TENM3: variants seen among roughly 807,000 people sequenced by gnomAD.
TENM3 encodes teneurin-3.
TENM3 carries 63 observed loss-of-function variants against 255.1 expected under a neutral mutation model. That is an observed-to-expected ratio of 0.25 (90% CI 0.20 to 0.30). The LOEUF (loss-of-function observed/expected upper bound fraction) is 0.30, where lower values mean the gene tolerates loss of function less well. Among genes scored for constraint, TENM3 ranks in the 10% least tolerant of loss-of-function variants. The pLI is 1.00. For missense variants in TENM3, 2,929 were observed against 3,461.1 expected (o/e 0.85, Z 3.86); for synonymous variants, 1,306 against 1,322.3 (o/e 0.99, Z 0.27).
the TENM3 span, among the ~76,000 whole-genome samples, chr4:181,501,389 T>C: frequency 6.6e-6 from 1 of 151,794 alleles, no homozygotes; most frequent in Non-Finnish European, 1.5e-5. Context: ...TTTTTGTTTT[T>C]TTTTTTTAAG....
At chr4:182,237,390 G>A (rs1756964361) in intron 1 of TENM3, among the ~76,000 whole-genome samples, 1 of 71,912 alleles carries the variant, frequency 1.4e-5, no homozygotes, top group African/African-American at 8.9e-5. Flanking sequence ...TTTTGAAACG[G>A]AGTCTCACTC....
At chr4:181,722,905 T>C in the TENM3 span, among the ~76,000 whole-genome samples, 1 of 152,020 alleles carries the variant, frequency 6.6e-6, no homozygotes, top group Non-Finnish European at 1.5e-5. Context: ...ACTCATTGTG[T>C]GTAGGGGTCT....
intron 3 of TENM3, among the ~76,000 whole-genome samples, chr4:182,479,013 ATGTT>A (rs1733941487): frequency 1.3e-5 from 2 of 152,070 alleles, no homozygotes; most frequent in South Asian, 4.1e-4. Context: ...ACTTGAAGGA[ATGTT>A]TGTCTTTTAA....
chr4:181,611,294 C>T, the TENM3 span, among the ~76,000 whole-genome samples: 1 of 152,176 alleles, frequency 6.6e-6, no homozygotes, highest in African/African-American at 2.4e-5. Flanking sequence ...ATCCTCTGGG[C>T]GTGCCGCAGA....
At position 182,800,062 on chromosome 4, in the gene TENM3, C is replaced by T. The variant is rs375913434; in HGVS notation, c.7811C>T (p.Ala2604Val). The change falls in exon 28 of 28, where the codon GCG (alanine) becomes GTG (valine). Residue 2604 changes from alanine to valine, a missense_variant. Coordinates refer to ENST00000511685, the MANE Select transcript of TENM3 (RefSeq NM_001080477.4). ...ADVEMQFGAL[A>V]LHVRYGMTLD... ...GTGGAGATGCAGTTCGGCGCGCTGG[C>T]GCTGCACGTGCGCTACGGCATGACC... The T allele has an allele frequency of 2.9e-5, 46 of 1,602,578 alleles. No individual in the cohort carries two copies. The highest frequency in any genetic ancestry group is 3.6e-5 in the Non-Finnish European group (42 of 1,175,374).
At chr4:182,378,926 G>A (rs11942366) in intron 3 of TENM3, among the ~76,000 whole-genome samples, 7,644 of 51,802 alleles carry the variant, frequency 0.15, 424 homozygotes, top group African/African-American at 0.36. Flanking sequence ...TTCTAAAACC[G>A]TTTCCCTTGA....
the TENM3 span, among the ~76,000 whole-genome samples, chr4:181,512,431 G>C: frequency 6.6e-6 from 1 of 152,208 alleles, no homozygotes; most frequent in Non-Finnish European, 1.5e-5. Context: ...GAAGAGCAAA[G>C]AAGAGTGTGG....
the TENM3 span, among the ~76,000 whole-genome samples, chr4:182,096,001 C>T: frequency 0.33 from 50,697 of 151,650 alleles, 8,612 homozygotes; most frequent in Middle Eastern, 0.43. Flanking sequence ...CGGTGGCACA[C>T]GCCTGTAAGT....
Position 182,800,448 on chromosome 4 carries a change from CG to C in TENM3, c.*102del. On this transcript the variant is annotated 3_prime_UTR_variant, in exon 28 of 28. Transcript: ENST00000511685. ...CTCCAACGCCCAAGAGCCTTCCTCC[CG>C]GGGGAATGAGACTGCTGTTACGACC... 7.2e-7 allele frequency: 1 copy of C among 1,389,846 alleles called. No homozygotes were observed. The highest frequency in any genetic ancestry group is 9.5e-7 in the Non-Finnish European group (1 of 1,056,232). The allele number at this position is 1,389,846 out of a possible 1,614,324, so 86.1% of individuals were successfully genotyped here.
chr4:181,982,382 C>T, the TENM3 span, among the ~76,000 whole-genome samples: 3 of 152,196 alleles, frequency 2.0e-5, no homozygotes, highest in Admixed American at 1.3e-4. Flanking sequence ...AGTATGTATG[C>T]CTTTGGGAGG....
intron 9 of TENM3, 69 bp from the exon 10 acceptor site, chr4:182,680,474 T>C (rs1334280058): frequency 2.8e-5 from 43 of 1,550,670 alleles, no homozygotes; most frequent in Non-Finnish European, 3.7e-5. Flanking sequence ...GTTCCAGCGA[T>C]GTGTCTTTTC....
At chr4:181,513,495 T>C in the TENM3 span, among the ~76,000 whole-genome samples, 1 of 152,144 alleles carries the variant, frequency 6.6e-6, no homozygotes, top group African/African-American at 2.4e-5. Flanking sequence ...CAGATAAAAG[T>C]AAGTGCAATT....
intron 12 of TENM3, among the ~76,000 whole-genome samples, chr4:182,708,580 A>C (rs922133337): frequency 6.6e-6 from 1 of 152,140 alleles, no homozygotes; most frequent in South Asian, 2.1e-4. Flanking sequence ...AGGGTGGATC[A>C]TGAGGTCAGG....
chr4:182,735,319 C>T (rs1388478239), intron 16 of TENM3, among the ~76,000 whole-genome samples: 1 of 152,144 alleles, frequency 6.6e-6, no homozygotes, highest in Admixed American at 6.5e-5. Flanking sequence ...CTCTTCATGC[C>T]AACACTGACT....
chr4:181,967,335 A>C, the TENM3 span, among the ~76,000 whole-genome samples: 1 of 152,010 alleles, frequency 6.6e-6, no homozygotes, highest in Non-Finnish European at 1.5e-5. Flanking sequence ...CAAAATGGAG[A>C]TATGACATTT....
intron 3 of TENM3, among the ~76,000 whole-genome samples, chr4:182,596,488 A>G (rs775091854): frequency 4.7e-4 from 71 of 152,192 alleles, no homozygotes; most frequent in Admixed American, 9.2e-4. Context: ...AGAAAGATCA[A>G]TGATTTTTAC....
At chr4:182,404,492 A>G (rs996768102) in intron 3 of TENM3, among the ~76,000 whole-genome samples, 2 of 152,204 alleles carry the variant, frequency 1.3e-5, no homozygotes, top group Non-Finnish European at 2.9e-5. Flanking sequence ...AACTCTTTTT[A>G]TGGATCAAGT....
At chr4:182,596,051 C>G (rs2152399761) in intron 3 of TENM3, among the ~76,000 whole-genome samples, 1 of 152,182 alleles carries the variant, frequency 6.6e-6, no homozygotes, top group South Asian at 2.1e-4. Flanking sequence ...CCACAAGGTG[C>G]TATTATATAA....
chr4:181,805,581 C>T, the TENM3 span, among the ~76,000 whole-genome samples: 12 of 139,110 alleles, frequency 8.6e-5, no homozygotes, highest in African/African-American at 2.3e-4. Flanking sequence ...TAAAAACAAA[C>T]GCCGTGTGTG....
Sources: gnomAD v4.1 joint callset for allele counts (sites outside exome capture counted in the v4.1 genomes callset) on GRCh38, gnomAD v4.1.1 for gene constraint, MANE v1.5 for transcripts, NCBI Gene and HGNC (gene_info 2026-07-23, HGNC 2026-07-21) for gene names.